The following PTPRD variants were observed in gnomAD, a reference collection of about 807,000 sequenced individuals.
PTPRD encodes receptor-type tyrosine-protein phosphatase delta.
PTPRD carries 34 observed loss-of-function variants against 214.5 expected under a neutral mutation model. The observed-to-expected ratio is 0.16, with a 90% confidence interval of 0.12 to 0.21. The LOEUF (loss-of-function observed/expected upper bound fraction) is 0.21, where lower values mean the gene tolerates loss of function less well. Among genes scored for constraint, PTPRD ranks in the 10% least tolerant of loss-of-function variants. The pLI, the probability that PTPRD is intolerant of heterozygous loss-of-function variation, is 1.00. For synonymous variants in PTPRD, 1,128 were observed against 845.7 expected (o/e 1.33, Z -5.79); for missense variants, 2,545 against 2,398.7 (o/e 1.06, Z -1.27).
chr9:10,570,402 G>A (rs2067051517), intron 2 of PTPRD, among the ~76,000 whole-genome samples: 1 of 152,132 alleles, frequency 6.6e-6, no homozygotes. Context: ...TATCAGGAGT[G>A]TGTTCTCTCT....
intron 11 of PTPRD, among the ~76,000 whole-genome samples, chr9:8,840,996 C>T (rs1311569827): frequency 6.6e-6 from 1 of 152,108 alleles, no homozygotes; most frequent in Non-Finnish European, 1.5e-5. Context: ...CCTATAATGA[C>T]AATTTCAAGT....
chr9:8,670,598 A>T (rs1288442569), intron 12 of PTPRD, among the ~76,000 whole-genome samples: 1 of 152,206 alleles, frequency 6.6e-6, no homozygotes, highest in Non-Finnish European at 1.5e-5. Context: ...AGTATCCCAT[A>T]CTTTCGCGTT....
At chr9:10,546,315 T>C (rs921551900) in intron 2 of PTPRD, among the ~76,000 whole-genome samples, 1 of 152,076 alleles carries the variant, frequency 6.6e-6, no homozygotes, top group Admixed American at 6.6e-5. Flanking sequence ...AACATTTTCC[T>C]CATGTCTCCA....
intron 8 of PTPRD, among the ~76,000 whole-genome samples, chr9:9,424,299 A>G (rs531507291): frequency 6.6e-6 from 1 of 152,316 alleles, no homozygotes; most frequent in Non-Finnish European, 1.5e-5. Flanking sequence ...CTCAGAGTCT[A>G]TTTCCTGGGA....
intron 10 of PTPRD, among the ~76,000 whole-genome samples, chr9:9,154,289 G>T (rs1460194943): frequency 6.6e-6 from 1 of 152,176 alleles, no homozygotes; most frequent in African/African-American, 2.4e-5. Flanking sequence ...TGTTTAGGTT[G>T]CCATAACAAA....
intron 6 of PTPRD, among the ~76,000 whole-genome samples, chr9:9,740,115 T>A (rs2098377236): frequency 6.6e-6 from 1 of 152,138 alleles, no homozygotes; most frequent in Non-Finnish European, 1.5e-5. Flanking sequence ...GTACTTAAAA[T>A]TATATTGTAA....
intron 14 of PTPRD, among the ~76,000 whole-genome samples, chr9:8,532,565 G>T (rs1260483869): frequency 6.6e-6 from 1 of 151,976 alleles, no homozygotes; most frequent in Non-Finnish European, 1.5e-5. Context: ...TTTACATGAG[G>T]TGAAAAGAAA....
rs117337760 is a variant in PTPRD, at chr9:8,485,177, G to T, written c.3153+50C>A. On this transcript the variant is annotated intron_variant, in intron 29 of 45. Coordinates refer to ENST00000381196, the MANE Select transcript of PTPRD (RefSeq NM_002839.4). ...TGCAAATAACTTACCCAGATAAACT[G>T]TCCCCTCTACTTTTATCTGTGATTT... 2,082 of 1,485,114 alleles carry T rather than the reference G, an allele frequency of 1.4e-3. 16 individuals carry two copies. In the East Asian group the frequency reaches 0.016, roughly 11 times the overall value. 92.0% of individuals were successfully genotyped at this position (1,485,114 alleles called of 1,614,324 possible). A position where few individuals can be genotyped will look rare whatever the true frequency, so the allele number is the denominator to read the frequency against.
intron 7 of PTPRD, among the ~76,000 whole-genome samples, chr9:9,645,423 T>C (rs1313289184): frequency 6.6e-6 from 1 of 150,408 alleles, no homozygotes; most frequent in African/African-American, 2.4e-5. Flanking sequence ...GCTTTGTTTT[T>C]TTCATTATAA....
rs986596006 is a variant in PTPRD at position 9,356,279 on chromosome 9, T to A, written c.-203+41170A>T. 3.3e-5 allele frequency among the ~76,000 whole-genome samples: 5 copies of A among 151,422 alleles called. No homozygotes were observed. The East Asian group carries it at 9.8e-4, about 30-fold the overall frequency. ...AGTTTGTGTGGTTATAGAAACAACC[T>A]AGTAGAAAGGAAAAATTGATGTAGA... On this transcript the variant is annotated intron_variant, in intron 9 of 45. Coordinates refer to ENST00000381196, the MANE Select transcript of PTPRD (RefSeq NM_002839.4).
intron 5 of PTPRD, among the ~76,000 whole-genome samples, chr9:9,784,416 C>T (rs939694155): frequency 3.3e-5 from 5 of 151,980 alleles, no homozygotes; most frequent in Non-Finnish European, 4.4e-5. Flanking sequence ...CCACAGCATC[C>T]ACAATTATAC....
At chr9:9,391,320 G>A (rs765595485) in intron 9 of PTPRD, among the ~76,000 whole-genome samples, 1 of 151,972 alleles carries the variant, frequency 6.6e-6, no homozygotes, top group South Asian at 2.1e-4. Context: ...TAAACAAGGA[G>A]ACATTTCATT....
At position 8,314,642 on chromosome 9, in the gene PTPRD, A is replaced by G. The variant is rs12337640; in HGVS notation, c.*3232T>C. ...AAAAGGAACCAAAACCCAAAAAGAA[A>G]AACAAAAAGGGAATTAAAAATAAAA... On this transcript the variant is annotated 3_prime_UTR_variant, in exon 46 of 46. Transcript: ENST00000381196. 9.7e-3 allele frequency: 2,260 copies of G among 232,160 alleles called. 54 individuals carry two copies. The highest frequency in any genetic ancestry group is 0.045 in the African/African-American group (2,049 of 45,368). 14.4% of individuals were successfully genotyped at this position (232,160 alleles called of 1,614,324 possible).
At chr9:10,429,393 A>C (rs1414653218) in intron 2 of PTPRD, among the ~76,000 whole-genome samples, 1 of 152,056 alleles carries the variant, frequency 6.6e-6, no homozygotes, top group African/African-American at 2.4e-5. Flanking sequence ...TTTCATGTTA[A>C]TCTCAGCACT....
At chr9:9,773,520 T>C (rs1389272746) in intron 5 of PTPRD, among the ~76,000 whole-genome samples, 1 of 152,182 alleles carries the variant, frequency 6.6e-6, no homozygotes, top group Non-Finnish European at 1.5e-5. Context: ...AGAGGTATTA[T>C]AGAATATCTC....
At chr9:9,113,133 T>G (rs931685202) in intron 10 of PTPRD, among the ~76,000 whole-genome samples, 2 of 150,690 alleles carry the variant, frequency 1.3e-5, no homozygotes, top group Non-Finnish European at 3.0e-5. Flanking sequence ...CCCGGCTAAT[T>G]AAAAAATATA....
At chr9:9,147,024 T>G (rs1023510743) in intron 10 of PTPRD, among the ~76,000 whole-genome samples, 8 of 152,168 alleles carry the variant, frequency 5.3e-5, no homozygotes, top group African/African-American at 1.9e-4. Flanking sequence ...GAACCCAGTG[T>G]GTGTATATAG....
chr9:10,579,516 T>C (rs1033817932), intron 2 of PTPRD, among the ~76,000 whole-genome samples: 1 of 152,236 alleles, frequency 6.6e-6, no homozygotes, highest in Admixed American at 6.5e-5. Context: ...CAGTCCACTG[T>C]TGATGGGCAC....
intron 7 of PTPRD, among the ~76,000 whole-genome samples, chr9:9,693,291 G>A (rs2803373): frequency 0.6 from 90,355 of 151,268 alleles, 27,161 homozygotes; most frequent in East Asian, 0.66. Context: ...AAGTGACTGG[G>A]TTAGGGGAAT....
Sources: gnomAD v4.1 joint callset for allele counts (sites outside exome capture counted in the v4.1 genomes callset) on GRCh38, gnomAD v4.1.1 for gene constraint, MANE v1.5 for transcripts, NCBI Gene and HGNC (gene_info 2026-07-23, HGNC 2026-07-21) for gene names.